Variants in DNAJC24 observed in about 807,000 individuals in gnomAD.
DNAJC24 encodes DnaJ heat shock protein family (Hsp40) member C24, also known as dnaJ homolog subfamily C member 24.
In DNAJC24, 17 loss-of-function variants were observed where a neutral mutation model predicts 18.0. The ratio of observed to expected loss-of-function variants is 0.94; its 90% CI spans 0.65 to 1.42. The LOEUF (loss-of-function observed/expected upper bound fraction) is 1.42, where lower values mean the gene tolerates loss of function less well. Ranked by LOEUF, DNAJC24 falls within the 40% of genes most tolerant of loss-of-function variation. DNAJC24 has a pLI of 0.00. For synonymous variants in DNAJC24, 55 were observed against 57.7 expected, an observed-to-expected ratio of 0.95 and a Z score of 0.21; for missense variants, 158 against 175.6, an observed-to-expected ratio of 0.90 and a Z score of 0.57.
chr11:31,405,066 C>CTTTT (rs398015694), intron 2 of DNAJC24, among the ~76,000 whole-genome samples: 3 of 132,008 alleles, frequency 2.3e-5, no homozygotes, highest in Non-Finnish European at 4.9e-5. Context: ...ATTAGGAATT[C>CTTTT]TTTTTTTTGT....
intron 2 of DNAJC24, chr11:31,374,060 C>T (rs1260833779): frequency 5.5e-6 from 2 of 365,610 alleles, no homozygotes; most frequent in African/African-American, 4.1e-5. Flanking sequence ...TTAATTCTGT[C>T]TTACCAATCT....
At chr11:31,380,016 C>T (rs1038381463) in intron 2 of DNAJC24, among the ~76,000 whole-genome samples, 9 of 152,082 alleles carry the variant, frequency 5.9e-5, no homozygotes, top group African/African-American at 1.7e-4. Context: ...GTGATCCACC[C>T]GCCTCAGCCT....
At chr11:31,425,584 T>C (rs1952852994) in intron 3 of DNAJC24, among the ~76,000 whole-genome samples, 1 of 152,148 alleles carries the variant, frequency 6.6e-6, no homozygotes, top group South Asian at 2.1e-4. Flanking sequence ...CCTTCCTTTA[T>C]GTGTGGGTGC....
In DNAJC24 at chr11:31,392,634, T is replaced by C. The variant is rs190247550; in HGVS notation, c.111+21775T>C. On this transcript the variant is annotated intron_variant, in intron 2 of 4. Coordinates refer to ENST00000465995, the MANE Select transcript of DNAJC24 (RefSeq NM_181706.5). ...GCAGGGCCTTTCAAGGGTGATTAGA[T>C]CATGAGGGTGGGGCCCTTGTGAATG... Among the ~76,000 whole-genome samples, 12 of 151,930 alleles carry C rather than the reference T, an allele frequency of 7.9e-5. 1 individual carries two copies. Among genetic ancestry groups the C allele is most frequent in the Admixed American group, 6.6e-4 (10 of 15,252 alleles).
At chr11:31,382,973 C>T (rs186044049) in intron 2 of DNAJC24, among the ~76,000 whole-genome samples, 4 of 152,182 alleles carry the variant, frequency 2.6e-5, no homozygotes, top group East Asian at 3.9e-4. Flanking sequence ...TTACAGAACT[C>T]GGAAAATTTA....
At chr11:31,409,229 A>T (rs1400258609) in intron 2 of DNAJC24, among the ~76,000 whole-genome samples, 1 of 152,200 alleles carries the variant, frequency 6.6e-6, no homozygotes, top group Non-Finnish European at 1.5e-5. Flanking sequence ...CTTTTTAAAA[A>T]TTTAGACATG....
chr11:31,370,627 A>G (rs971732231), intron 1 of DNAJC24, 89 bp from the exon 2 acceptor site: 22 of 560,652 alleles, frequency 3.9e-5, no homozygotes, highest in Admixed American at 7.3e-5. Context: ...TTACTCGACT[A>G]AATACTAAAG....
intron 2 of DNAJC24, among the ~76,000 whole-genome samples, chr11:31,405,783 T>G (rs1393942728): frequency 6.6e-6 from 1 of 152,114 alleles, no homozygotes; most frequent in Non-Finnish European, 1.5e-5. Flanking sequence ...GAAAAAAAAT[T>G]TATTGGCTCA....
At chr11:31,415,385 G>C (rs1021668187) in intron 3 of DNAJC24, 2 of 152,406 alleles carry the variant, frequency 1.3e-5, no homozygotes, top group Non-Finnish European at 2.9e-5. Flanking sequence ...CTCATTTTAG[G>C]CTGGGTTTCA....
intron 2 of DNAJC24, among the ~76,000 whole-genome samples, chr11:31,414,033 G>A (rs1273589811): frequency 6.6e-6 from 1 of 152,162 alleles, no homozygotes; most frequent in Non-Finnish European, 1.5e-5. Context: ...TAACTATTTA[G>A]TGAGCTACAT....
intron 2 of DNAJC24, among the ~76,000 whole-genome samples, chr11:31,398,552 G>A (rs1008473300): frequency 1.3e-5 from 2 of 152,300 alleles, no homozygotes; most frequent in Admixed American, 1.3e-4. Context: ...ATAGGAAACA[G>A]TTTTAGCATT....
intron 2 of DNAJC24, among the ~76,000 whole-genome samples, chr11:31,398,783 C>T (rs1051893137): frequency 1.3e-5 from 2 of 152,112 alleles, no homozygotes; most frequent in Admixed American, 6.5e-5. Flanking sequence ...GCCTTGGTGG[C>T]CAGAGCAAGA....
chr11:31,388,594 C>A (rs1952454861), intron 2 of DNAJC24, among the ~76,000 whole-genome samples: 1 of 152,116 alleles, frequency 6.6e-6, no homozygotes, highest in South Asian at 2.1e-4. Flanking sequence ...ATCAACCAGA[C>A]CTGTCCTACA....
In DNAJC24 at chr11:31,432,453, T is replaced by C; in HGVS notation, c.*2052T>C. 1 of 1,312,992 alleles carries C rather than the reference T, an allele frequency of 7.6e-7. No individual in the cohort carries two copies. Among genetic ancestry groups the C allele is most frequent in the Non-Finnish European group, 1.1e-6 (1 of 908,060 alleles). 81.3% of individuals were successfully genotyped at this position (1,312,992 alleles called of 1,614,324 possible). ...ACACGGTTTCAACGGGAGTAATAAA[T>C]TCACATGAAAAGGAGACAATAATCA... On this transcript the variant is annotated 3_prime_UTR_variant, in exon 5 of 5. Transcript: ENST00000465995.
intron 2 of DNAJC24, among the ~76,000 whole-genome samples, chr11:31,386,642 G>T (rs1952433723): frequency 6.6e-6 from 1 of 152,018 alleles, no homozygotes; most frequent in East Asian, 1.9e-4. Flanking sequence ...GCAGGGCTGT[G>T]CTGGCTTCAG....
rs1476297002 is a variant in DNAJC24 at position 31,431,453 on chromosome 11, A to C, written c.*1052A>C. On this transcript the variant is annotated 3_prime_UTR_variant, in exon 5 of 5. Transcript: ENST00000465995. ...GGCGTGAGCCACCATGCCTGGCCAG[A>C]AGCTTTTTTAAAAATAATGACTTGG... 1 of 149,276 alleles carries C rather than the reference A, an allele frequency of 6.7e-6. No homozygotes were observed. Among genetic ancestry groups the C allele is most frequent in the African/African-American group, 2.4e-5 (1 of 40,874 alleles). The allele number at this position is 149,276 out of a possible 1,614,324, so 9.2% of individuals were successfully genotyped here.
intron 2 of DNAJC24, among the ~76,000 whole-genome samples, chr11:31,383,632 G>A (rs758634600): frequency 6.6e-6 from 1 of 152,146 alleles, no homozygotes; most frequent in African/African-American, 2.4e-5. Flanking sequence ...GGAAGTTAGT[G>A]CTATTACCAG....
intron 2 of DNAJC24, among the ~76,000 whole-genome samples, chr11:31,401,037 AAAC>A (rs1351146373): frequency 1.3e-5 from 2 of 152,170 alleles, no homozygotes; most frequent in Non-Finnish European, 2.9e-5. Context: ...TACAAGAAAA[AAAC>A]AAACAGCCCC....
At chr11:31,419,199 AT>A (rs1487646637) in intron 3 of DNAJC24, among the ~76,000 whole-genome samples, 6 of 152,144 alleles carry the variant, frequency 3.9e-5, no homozygotes, top group Admixed American at 2.0e-4. Context: ...TTTCCATTTG[AT>A]TTTAGGAATT....
Sources: allele counts gnomAD v4.1 joint callset (sites outside exome capture counted in the v4.1 genomes callset), GRCh38; gene constraint gnomAD v4.1.1; transcripts MANE v1.5; gene names NCBI Gene and HGNC (gene_info 2026-07-23, HGNC 2026-07-21).